Variants in PAK6 observed in about 807,000 individuals in gnomAD.
PAK6 encodes serine/threonine-protein kinase PAK 6.
In PAK6, 33 loss-of-function variants were observed where a neutral mutation model predicts 60.8. The ratio of observed to expected loss-of-function variants is 0.54; its 90% CI spans 0.41 to 0.73. The LOEUF (loss-of-function observed/expected upper bound fraction) is 0.73. Ranked by LOEUF, PAK6 falls within the 30% of genes least tolerant of loss-of-function variation. The pLI is 0.00. For missense variants in PAK6, 845 were observed against 904.1 expected (o/e 0.93, Z 0.84); for synonymous variants, 404 against 378.5 (o/e 1.07, Z -0.78).
intron 2 of PAK6, among the ~76,000 whole-genome samples, chr15:40,240,962 C>T (rs1027039775): frequency 5.9e-5 from 9 of 152,198 alleles, no homozygotes; most frequent in Non-Finnish European, 1.3e-4. Flanking sequence ...CCGGGACACC[C>T]CTATCCAAGG....
exon 11 of PAK6, chr15:40,276,567 C>G (rs1215558300): frequency 6.4e-6 from 1 of 156,802 alleles, no homozygotes; most frequent in Non-Finnish European, 1.4e-5. Context: ...CCCGCTTCCT[C>G]CCTCACGTCT....
intron 2 of PAK6, chr15:40,252,028 G>A (rs1168430527): frequency 3.0e-5 from 7 of 236,188 alleles, no homozygotes; most frequent in Admixed American, 1.6e-4. Flanking sequence ...TCAGGACTGC[G>A]CAAGGGCTGA....
At chr15:40,253,202 G>A (rs1297275787) in exon 3 of PAK6, 1 of 456,116 alleles carries the variant, frequency 2.2e-6, no homozygotes, top group Non-Finnish European at 4.4e-6. Flanking sequence ...GGCCCAGCAA[G>A]GTCCCAGGTC....
At chr15:40,272,301 C>G in exon 6 of PAK6, 1 of 1,614,062 alleles carries the variant, frequency 6.2e-7, no homozygotes, top group Non-Finnish European at 8.5e-7. Flanking sequence ...TGCCCTCGGA[C>G]CAGCCGGTGG....
intron 10 of PAK6, among the ~76,000 whole-genome samples, chr15:40,274,649 A>G (rs1034383416): frequency 1.3e-5 from 2 of 152,190 alleles, no homozygotes; most frequent in Admixed American, 6.5e-5. Flanking sequence ...AAACCCTTCT[A>G]ACCCGTGTCG....
At chr15:40,244,444 C>G (rs2038444324) in intron 2 of PAK6, among the ~76,000 whole-genome samples, 1 of 148,784 alleles carries the variant, frequency 6.7e-6, no homozygotes, top group Non-Finnish European at 1.5e-5. Flanking sequence ...GTTGCCCAGG[C>G]TGGAGTGCAG....
intron 5 of PAK6, chr15:40,267,135 T>A (rs2039164086): frequency 6.6e-6 from 1 of 152,302 alleles, no homozygotes; most frequent in African/African-American, 2.4e-5. Context: ...CAGCCACTTG[T>A]TCTTTAGCTC....
At chr15:40,268,720 A>G (rs2039217667) in intron 5 of PAK6, among the ~76,000 whole-genome samples, 1 of 152,202 alleles carries the variant, frequency 6.6e-6, no homozygotes, top group African/African-American at 2.4e-5. Context: ...AGAGATCAGG[A>G]AGACAGGGCG....
chr15:40,260,529 C>T (rs1410562721), intron 3 of PAK6, among the ~76,000 whole-genome samples: 1 of 152,170 alleles, frequency 6.6e-6, no homozygotes, highest in Non-Finnish European at 1.5e-5. Context: ...CAATTCCATA[C>T]TAAATTAATT....
At chr15:40,265,637 CGCATCCCT>C (rs1242922833) in intron 4 of PAK6, among the ~76,000 whole-genome samples, 197 bp from the exon 5 acceptor site, 3 of 152,220 alleles carry the variant, frequency 2.0e-5, no homozygotes, top group Non-Finnish European at 4.4e-5. Flanking sequence ...GCCTTCTCCC[CGCATCCCT>C]GCATCCAGCA....
exon 9 of PAK6, chr15:40,273,610 G>A: frequency 6.2e-7 from 1 of 1,614,104 alleles, no homozygotes; most frequent in Non-Finnish European, 8.5e-7. Flanking sequence ...CTAAGAGGAA[G>A]TCCCTGGTGG....
chr15:40,272,585 T>C (rs2039338250), exon 6 of PAK6: 1 of 1,613,028 alleles, frequency 6.2e-7, no homozygotes. Flanking sequence ...CGGCTGCTGC[T>C]GGACAGCTAC....
At chr15:40,263,759 C>T (rs1025344231) in intron 3 of PAK6, 28 of 382,342 alleles carry the variant, frequency 7.3e-5, no homozygotes, top group Non-Finnish European at 1.2e-4. Context: ...GGACTACAGG[C>T]ACGTGCCACC....
intron 3 of PAK6, among the ~76,000 whole-genome samples, chr15:40,261,266 C>A (rs773698435): frequency 6.0e-5 from 9 of 151,014 alleles, no homozygotes; most frequent in African/African-American, 2.2e-4. Context: ...AGCCTGGGCA[C>A]GGTGGCTCAT....
Position 40,273,363 on chromosome 15 carries a change from T to C in PAK6, c.1508T>C (p.Ile503Thr), listed in dbSNP as rs1182090988. The change falls in exon 8 of 11, where the codon ATT becomes ACT. Residue 503 changes from isoleucine (I) to threonine (T), a missense_variant. Coordinates refer to ENST00000560346, the Ensembl canonical transcript of PAK6. Reference sequence around the variant, plus strand: ...CTGTCCAGGCTGAATGAGGAGCAGATTGCCACTGTGTGTGAGGCTGTGCTG... The same window carrying C: ...CTGTCCAGGCTGAATGAGGAGCAGACTGCCACTGTGTGTGAGGCTGTGCTG... 2.5e-6 allele frequency: 4 copies of C among 1,613,894 alleles called. No homozygotes were observed. The South Asian group carries it at 3.3e-5, about 13-fold the overall frequency.
intron 2 of PAK6, among the ~76,000 whole-genome samples, chr15:40,248,948 GCTTA>G (rs2038579434): frequency 6.6e-6 from 1 of 152,282 alleles, no homozygotes; most frequent in Middle Eastern, 3.4e-3. Context: ...TCAGTAACTG[GCTTA>G]CTTAGTCTTT....
intron 10 of PAK6, among the ~76,000 whole-genome samples, chr15:40,275,280 G>GTTTTTTTTTTTTTTTGTTTTTT (rs2039420426): frequency 1.8e-5 from 1 of 56,486 alleles, no homozygotes; most frequent in Non-Finnish European, 3.1e-5. Flanking sequence ...GTTGTTGTTG[G>GTTTTTTTTTTTTTTTGTTTTTT]TTTTTTTTTT....
chr15:40,274,600 G>A (rs1026140220), intron 10 of PAK6, among the ~76,000 whole-genome samples: 1 of 152,242 alleles, frequency 6.6e-6, no homozygotes, highest in African/African-American at 2.4e-5. Context: ...AGCAATCCCT[G>A]CTGTCCAGGG....
chr15:40,253,842 C>T (rs2038759554), intron 3 of PAK6, among the ~76,000 whole-genome samples: 1 of 152,186 alleles, frequency 6.6e-6, no homozygotes, highest in Non-Finnish European at 1.5e-5. Context: ...ATGAAGAGCT[C>T]CCAGGGTGTA....
Sources: gnomAD v4.1 joint callset for allele counts (sites outside exome capture counted in the v4.1 genomes callset) on GRCh38, gnomAD v4.1.1 for gene constraint, MANE v1.5 for transcripts, NCBI Gene and HGNC (gene_info 2026-07-23, HGNC 2026-07-21) for gene names.